The following DCDC1 variants were observed in gnomAD, a reference collection of about 807,000 sequenced individuals.
DCDC1 encodes doublecortin domain-containing protein 1.
In DCDC1, 200 loss-of-function variants were observed where a neutral mutation model predicts 178.3. The observed-to-expected ratio is 1.12, with a 90% CI of 1.00 to 1.26. The LOEUF (loss-of-function observed/expected upper bound fraction) is 1.26, where lower values mean the gene tolerates loss of function less well. Among genes scored for constraint, DCDC1 ranks in the 50% most tolerant of loss-of-function variants. DCDC1 has a pLI of 0.00. For synonymous variants in DCDC1, 690 were observed against 604.8 expected (o/e 1.14, Z -2.07); for missense variants, 1,983 against 1,749.2 (o/e 1.13, Z -2.38).
At chr11:30,914,478 CACAA>C (rs1945679649) in intron 27 of DCDC1, among the ~76,000 whole-genome samples, 1 of 152,130 alleles carries the variant, frequency 6.6e-6, no homozygotes, top group African/African-American at 2.4e-5. Flanking sequence ...TTGCACGATG[CACAA>C]ACATACACTT....
At chr11:30,995,632 A>C (rs1951223467) in intron 20 of DCDC1, among the ~76,000 whole-genome samples, 1 of 152,194 alleles carries the variant, frequency 6.6e-6, no homozygotes, top group African/African-American at 2.4e-5. Context: ...CTTTTGACAT[A>C]GGTAGAAAAG....
chr11:31,349,651 C>G (rs1591828992), intron 1 of DCDC1, among the ~76,000 whole-genome samples: 1 of 151,822 alleles, frequency 6.6e-6, no homozygotes, highest in East Asian at 1.9e-4. Context: ...TGTTTTTAGT[C>G]TTTATGATTT....
At chr11:31,299,991 G>A (rs934539981) in intron 6 of DCDC1, among the ~76,000 whole-genome samples, 1 of 152,024 alleles carries the variant, frequency 6.6e-6, no homozygotes, top group Non-Finnish European at 1.5e-5. Flanking sequence ...CCTAGTATCT[G>A]GGACCACAGG....
intron 9 of DCDC1, among the ~76,000 whole-genome samples, chr11:31,212,520 T>C (rs1161215464): frequency 6.6e-6 from 1 of 152,094 alleles, no homozygotes; most frequent in Non-Finnish European, 1.5e-5. Flanking sequence ...GGCAAAGATA[T>C]GAATGGGTGA....
intron 7 of DCDC1, among the ~76,000 whole-genome samples, chr11:31,268,527 A>G (rs1360762662): frequency 6.6e-6 from 1 of 152,176 alleles, no homozygotes; most frequent in Non-Finnish European, 1.5e-5. Flanking sequence ...GTCCAGCTGC[A>G]TCCATGTGGC....
intron 28 of DCDC1, among the ~76,000 whole-genome samples, chr11:30,910,958 T>TATG (rs1193610270): frequency 6.6e-6 from 1 of 152,220 alleles, no homozygotes; most frequent in African/African-American, 2.4e-5. Flanking sequence ...GAGCCTTGCA[T>TATG]ATGTTCCTGA....
chr11:30,973,429 G>A (rs532291303), intron 20 of DCDC1, among the ~76,000 whole-genome samples: 22 of 152,000 alleles, frequency 1.4e-4, no homozygotes, highest in Non-Finnish European at 3.1e-4. Flanking sequence ...TTCCTTTACA[G>A]CCTGTGGAAC....
At chr11:31,157,712 T>C (rs897837081) in intron 9 of DCDC1, among the ~76,000 whole-genome samples, 3 of 152,120 alleles carry the variant, frequency 2.0e-5, no homozygotes, top group Non-Finnish European at 2.9e-5. Flanking sequence ...TAGAACTTAA[T>C]GTACAGCGTT....
intron 23 of DCDC1, 140 bp downstream of exon 23, chr11:30,925,169 G>C: frequency 1.4e-6 from 1 of 717,370 alleles, no homozygotes; most frequent in South Asian, 2.1e-5. Context: ...ATTACTTTCT[G>C]ATGTTTGCTC....
intron 3 of DCDC1, among the ~76,000 whole-genome samples, chr11:31,316,353 G>C (rs1233649034): frequency 3.9e-5 from 5 of 128,582 alleles, no homozygotes; most frequent in African/African-American, 6.5e-5. Context: ...CATTCTAACT[G>C]GTGTGAAATG....
intron 36 of DCDC1, among the ~76,000 whole-genome samples, chr11:30,890,220 C>T (rs1943654759): frequency 6.6e-6 from 1 of 152,204 alleles, no homozygotes; most frequent in South Asian, 2.1e-4. Flanking sequence ...TTTGTTATGG[C>T]TGACTGAGAA....
At chr11:31,331,591 G>GGA (rs937911733) in intron 2 of DCDC1, among the ~76,000 whole-genome samples, 13 of 152,230 alleles carry the variant, frequency 8.5e-5, no homozygotes, top group African/African-American at 2.9e-4. Context: ...TAGCACAAAG[G>GGA]ACTGTTGAAT....
At chr11:30,953,706 A>G (rs908866562) in intron 20 of DCDC1, among the ~76,000 whole-genome samples, 1 of 152,186 alleles carries the variant, frequency 6.6e-6, no homozygotes, top group Non-Finnish European at 1.5e-5. Flanking sequence ...TTAGAATGCC[A>G]TGTGACCCAG....
rs748263346 is a variant in DCDC1 at position 31,094,062 on chromosome 11, C to G, written c.2106G>C (p.Trp702Cys). Residue 702 changes from tryptophan (W) to cysteine (C), a missense_variant, in exon 16 of 39, where the codon TGG (tryptophan) becomes TGC (cysteine). Trp to Cys is a radical substitution (Grantham distance 215). Transcript: ENST00000684477. ...CACTCTTAGGTACCTTGGTGATCAGCCACACACTGGCTACAGGCCACAGGA... is the reference window on the plus strand; with the variant it reads ...CACTCTTAGGTACCTTGGTGATCAGGCACACACTGGCTACAGGCCACAGGA... ...PSILWPVASV[W>C]LITKTGMILS... The G allele has an allele frequency of 2.2e-5, 17 of 766,004 alleles. No individual in the cohort carries two copies. The highest frequency in any genetic ancestry group is 4.1e-5 in the Non-Finnish European group (17 of 417,756). 47.5% of individuals were successfully genotyped at this position (766,004 alleles called of 1,614,324 possible). A position where few individuals can be genotyped will look rare whatever the true frequency, so the allele number is the denominator to read the frequency against.
chr11:30,896,456 T>C (rs919556292), intron 34 of DCDC1, among the ~76,000 whole-genome samples: 4 of 152,220 alleles, frequency 2.6e-5, no homozygotes, highest in Admixed American at 6.5e-5. Context: ...TTGCTGTTTT[T>C]TCATGGGATG....
chr11:31,019,590 C>A (rs745699412), intron 20 of DCDC1, among the ~76,000 whole-genome samples: 3 of 152,102 alleles, frequency 2.0e-5, no homozygotes, highest in Non-Finnish European at 4.4e-5. Context: ...TCCTTTTCTA[C>A]ATAATTTCTC....
chr11:30,936,174 A>G (rs1947263973), intron 21 of DCDC1, among the ~76,000 whole-genome samples: 1 of 152,160 alleles, frequency 6.6e-6, no homozygotes, highest in South Asian at 2.1e-4. Context: ...GACAGGGTGG[A>G]GGATATGGCC....
chr11:30,954,256 C>T (rs1948632949), intron 20 of DCDC1, among the ~76,000 whole-genome samples: 1 of 151,992 alleles, frequency 6.6e-6, no homozygotes, highest in African/African-American at 2.4e-5. Flanking sequence ...ACCTCGTGAT[C>T]TGCCGGCCTC....
At chr11:31,105,059 T>A (rs1958760884) in intron 13 of DCDC1, among the ~76,000 whole-genome samples, 1 of 152,112 alleles carries the variant, frequency 6.6e-6, no homozygotes, top group Non-Finnish European at 1.5e-5. Flanking sequence ...AACGATTTAC[T>A]TAACACGTAT....
Sources: allele counts gnomAD v4.1 joint callset (sites outside exome capture counted in the v4.1 genomes callset), GRCh38; gene constraint gnomAD v4.1.1; transcripts MANE v1.5; gene names NCBI Gene and HGNC (gene_info 2026-07-23, HGNC 2026-07-21).